The following LRRC1 variants were observed in gnomAD, a reference collection of about 807,000 sequenced individuals.
LRRC1 encodes the protein leucine-rich repeat-containing protein 1.
LRRC1 carries 28 observed loss-of-function variants against 69.9 expected under a neutral mutation model. The ratio of observed to expected loss-of-function variants is 0.40; its 90% CI spans 0.30 to 0.55. LRRC1 has a LOEUF of 0.55. Among genes scored for constraint, LRRC1 ranks in the 20% least tolerant of loss-of-function variants. The pLI is 0.47. For synonymous variants in LRRC1, 236 were observed against 240.2 expected, an observed-to-expected ratio of 0.98 and a Z score of 0.16; for missense variants, 498 against 609.0, an observed-to-expected ratio of 0.82 and a Z score of 1.92.
At chr6:53,803,096 A>G (rs550566419) in intron 1 of LRRC1, among the ~76,000 whole-genome samples, 148 of 152,320 alleles carry the variant, frequency 9.7e-4, no homozygotes, top group Middle Eastern at 3.4e-3. Flanking sequence ...GGAATTTTGC[A>G]TCTTCTGTAC....
chr6:53,850,914 A>T (rs1485349921), intron 2 of LRRC1, among the ~76,000 whole-genome samples: 1 of 152,174 alleles, frequency 6.6e-6, no homozygotes, highest in Non-Finnish European at 1.5e-5. Context: ...GCATCTAGGA[A>T]ATTTTTACGA....
At chr6:53,833,563 T>C (rs1412460380) in intron 1 of LRRC1, among the ~76,000 whole-genome samples, 1 of 152,218 alleles carries the variant, frequency 6.6e-6, no homozygotes, top group East Asian at 1.9e-4. Context: ...ACACACATGC[T>C]AACACTCAGT....
At chr6:53,837,290 C>T (rs1334365030) in intron 1 of LRRC1, among the ~76,000 whole-genome samples, 2 of 151,792 alleles carry the variant, frequency 1.3e-5, no homozygotes, top group African/African-American at 2.4e-5. Context: ...TTGCAAGTCT[C>T]ACAGAAAAGA....
intron 2 of LRRC1, among the ~76,000 whole-genome samples, chr6:53,846,453 C>T (rs992015935): frequency 1.2e-4 from 18 of 152,224 alleles, no homozygotes; most frequent in African/African-American, 4.1e-4. Context: ...TGTCAGCACG[C>T]GGTCGACTTT....
intron 8 of LRRC1, among the ~76,000 whole-genome samples, chr6:53,900,704 T>A (rs575843802): frequency 2.6e-5 from 4 of 151,810 alleles, no homozygotes; most frequent in South Asian, 4.2e-4. Context: ...TATTTTCTTT[T>A]AAAAAAAAAT....
Position 53,851,919 on chromosome 6 carries a change from A to G in LRRC1, c.277+9692A>G, listed in dbSNP as rs79294709. On this transcript the variant is annotated intron_variant, in intron 2 of 13. Transcript: ENST00000370888. ...TAAGTTAATAGTTAGCATAAAACCTATGCAAGTGTTTGCGACTTTTTTATT... is the reference window on the plus strand; with the variant it reads ...TAAGTTAATAGTTAGCATAAAACCTGTGCAAGTGTTTGCGACTTTTTTATT... Among the ~76,000 whole-genome samples the G allele has an allele frequency of 6.3e-3, 962 of 152,366 alleles. 11 individuals are homozygous for G. The highest frequency in any genetic ancestry group is 0.022 in the African/African-American group (914 of 41,582).
intron 3 of LRRC1, among the ~76,000 whole-genome samples, chr6:53,882,273 G>A (rs1311369524): frequency 2.6e-5 from 4 of 152,166 alleles, no homozygotes; most frequent in African/African-American, 4.8e-5. Flanking sequence ...GCTTGAACCC[G>A]GGAGGCGGAG....
intron 11 of LRRC1, 179 bp from the exon 12 acceptor site, chr6:53,919,319 C>T: frequency 3.6e-6 from 1 of 280,178 alleles, no homozygotes; most frequent in Non-Finnish European, 6.2e-6. Context: ...CAGGAACCTA[C>T]TGAGGAATCC....
chr6:53,891,096 CCTG>C (rs1162901691), intron 4 of LRRC1, among the ~76,000 whole-genome samples: 1 of 152,050 alleles, frequency 6.6e-6, no homozygotes, highest in Non-Finnish European at 1.5e-5. Flanking sequence ...AACTTTTGTC[CCTG>C]CTATTATGAA....
At chr6:53,873,366 G>A (rs1355622771) in intron 2 of LRRC1, among the ~76,000 whole-genome samples, 2 of 149,190 alleles carry the variant, frequency 1.3e-5, no homozygotes, top group East Asian at 4.0e-4. Flanking sequence ...ATCTGGGCTC[G>A]CTACAAGCTC....
chr6:53,881,199 A>T (rs1459039553), intron 3 of LRRC1, among the ~76,000 whole-genome samples: 26 of 152,204 alleles, frequency 1.7e-4, no homozygotes, highest in Admixed American at 1.7e-3. Context: ...CTTAAAAATG[A>T]TTTAGTTTGG....
intron 1 of LRRC1, among the ~76,000 whole-genome samples, chr6:53,823,543 G>A (rs1765172554): frequency 6.6e-6 from 1 of 152,044 alleles, no homozygotes; most frequent in African/African-American, 2.4e-5. Flanking sequence ...GTGCAGGTTT[G>A]TTATACAAGT....
At chr6:53,907,464 T>A (rs1768277947) in intron 10 of LRRC1, among the ~76,000 whole-genome samples, 1 of 152,244 alleles carries the variant, frequency 6.6e-6, no homozygotes, top group African/African-American at 2.4e-5. Flanking sequence ...AAGATGTTTG[T>A]ACCATGTGGG....
chr6:53,895,139 G>A (rs1767828220), intron 4 of LRRC1, among the ~76,000 whole-genome samples: 1 of 152,088 alleles, frequency 6.6e-6, no homozygotes, highest in African/African-American at 2.4e-5. Flanking sequence ...GGATGGTCTC[G>A]ATCTCCTGAC....
intron 1 of LRRC1, among the ~76,000 whole-genome samples, chr6:53,810,554 G>A (rs9382241): frequency 0.19 from 29,564 of 151,716 alleles, 3,376 homozygotes; most frequent in East Asian, 0.49. Context: ...CAGGAGGTGG[G>A]GCTTGCAGTG....
intron 4 of LRRC1, among the ~76,000 whole-genome samples, chr6:53,885,126 C>G (rs1767431273): frequency 6.6e-6 from 1 of 152,216 alleles, no homozygotes; most frequent in Non-Finnish European, 1.5e-5. Flanking sequence ...AAGTAATGGC[C>G]TGTTCTCACA....
chr6:53,892,011 TACACACAC>T (rs70980877), intron 4 of LRRC1, among the ~76,000 whole-genome samples: 42 of 135,374 alleles, frequency 3.1e-4, no homozygotes, highest in East Asian at 1.1e-3. Flanking sequence ...TATATATATA[TACACACAC>T]ACACACACAC....
intron 1 of LRRC1, among the ~76,000 whole-genome samples, chr6:53,813,542 TTTTTTTTC>T (rs1028095650): frequency 1.4e-5 from 2 of 145,258 alleles, no homozygotes; most frequent in South Asian, 2.1e-4. Flanking sequence ...AGTGGTTTTT[TTTTTTTTC>T]TTTTTTTTTC....
At chr6:53,890,465 T>G (rs1237358025) in intron 4 of LRRC1, among the ~76,000 whole-genome samples, 1 of 152,086 alleles carries the variant, frequency 6.6e-6, no homozygotes, top group Admixed American at 6.6e-5. Flanking sequence ...GACCTTAATT[T>G]TGAGTGAGCT....
Sources: allele counts gnomAD v4.1 joint callset (sites outside exome capture counted in the v4.1 genomes callset), GRCh38; gene constraint gnomAD v4.1.1; transcripts MANE v1.5; gene names NCBI Gene and HGNC (gene_info 2026-07-23, HGNC 2026-07-21).